The following HERC2 variants were observed in gnomAD, a reference collection of about 807,000 sequenced individuals.
The protein encoded by HERC2 is HECT and RLD domain containing E3 ubiquitin protein ligase 2.
A neutral mutation model predicts 537.7 loss-of-function variants in HERC2; 102 were observed. The observed-to-expected ratio is 0.19, with a 90% confidence interval of 0.16 to 0.22. The LOEUF (loss-of-function observed/expected upper bound fraction) is 0.22. Ranked by LOEUF, HERC2 falls within the 10% of genes least tolerant of loss-of-function variation. The pLI is 1.00. For synonymous variants in HERC2, 2,224 were observed against 2,466.2 expected (o/e 0.90, Z 2.91); for missense variants, 4,236 against 6,198.2 (o/e 0.68, Z 10.63).
rs561483233 is a variant in HERC2 at position 28,158,038 on chromosome 15, G to C, written c.10746+5056C>G. On this transcript the variant is annotated intron_variant, in intron 69 of 92. Transcript: ENST00000261609. ...CAGGTTGTTCGGTTTCCATGTAGTT[G>C]AGCAGTTTTGAGTGAGTTTCTTAAT... 2.6e-5 allele frequency among the ~76,000 whole-genome samples: 4 copies of C among 152,290 alleles called. No individual in the cohort carries two copies. The South Asian group carries it at 6.2e-4, about 24-fold the overall frequency.
At chr15:28,256,914 C>T (rs2075280902) in intron 17 of HERC2, 147 bp downstream of exon 17, 2 of 736,854 alleles carry the variant, frequency 2.7e-6, no homozygotes, top group Non-Finnish European at 4.5e-6. Flanking sequence ...TTTTTTAAGA[C>T]TCGCGTCCAT....
chr15:28,240,934 TA>T (rs1903045738), intron 23 of HERC2, among the ~76,000 whole-genome samples: 1 of 152,162 alleles, frequency 6.6e-6, no homozygotes, highest in African/African-American at 2.4e-5. Flanking sequence ...GCTAAAACTA[TA>T]AAATTCTTAG....
intron 12 of HERC2, 62 bp from the exon 13 acceptor site, chr15:28,266,036 T>C: frequency 1.3e-6 from 2 of 1,560,570 alleles, no homozygotes; most frequent in Non-Finnish European, 1.8e-6. Flanking sequence ...TTATTAATGT[T>C]AACAAAGGAA....
chr15:28,142,782 G>A, intron 75 of HERC2, 45 bp downstream of exon 75: 1 of 1,525,786 alleles, frequency 6.6e-7, no homozygotes, highest in Non-Finnish European at 8.9e-7. Flanking sequence ...GGCTCTTTCA[G>A]TCAAATAGCT....
intron 2 of HERC2, among the ~76,000 whole-genome samples, chr15:28,300,219 TTG>T (rs1200444122): frequency 1.3e-5 from 2 of 151,318 alleles, no homozygotes. Flanking sequence ...AGCAACAACA[TTG>T]TGAGTATACT....
rs746956861 is a variant in HERC2, at chr15:28,201,432, C to G, written c.7716+24G>C. The G allele has an allele frequency of 3.6e-6, 5 of 1,407,166 alleles. No homozygotes were observed. The Admixed American group carries it at 8.4e-5, about 24-fold the overall frequency. 87.2% of individuals were successfully genotyped at this position (1,407,166 alleles called of 1,614,324 possible). On this transcript the variant is annotated intron_variant, in intron 48 of 92. Transcript: ENST00000261609. ...TTGCTGAATGAAAAACGGATCGAGG[C>G]TCCAGCTTAAGACAATTACTCACCT...
intron 4 of HERC2, among the ~76,000 whole-genome samples, chr15:28,292,244 A>C (rs1461482990): frequency 1.3e-5 from 2 of 151,550 alleles, no homozygotes; most frequent in East Asian, 3.9e-4. Flanking sequence ...AAAAAAAAAA[A>C]AAAAAAAAAC....
At chr15:28,276,298 C>T (rs1250868361) in intron 5 of HERC2, among the ~76,000 whole-genome samples, 1 of 149,966 alleles carries the variant, frequency 6.7e-6, no homozygotes. Context: ...CCAGGGGCAA[C>T]AGTACACGCT....
At chr15:28,198,906 G>C in intron 48 of HERC2, 137 bp from the exon 49 acceptor site, 8 of 783,318 alleles carry the variant, frequency 1.0e-5, no homozygotes, top group Non-Finnish European at 1.6e-5. Context: ...CTAGCACTTT[G>C]GGAGGCTGAG....
intron 19 of HERC2, among the ~76,000 whole-genome samples, 153 bp downstream of exon 19, chr15:28,255,719 G>T (rs1163850665): frequency 1.3e-5 from 2 of 152,214 alleles, no homozygotes; most frequent in Non-Finnish European, 2.9e-5. Context: ...CAATAATTTT[G>T]TAAATTGGCA....
chr15:28,149,034 G>A (rs1478557432), intron 70 of HERC2, among the ~76,000 whole-genome samples: 2 of 137,984 alleles, frequency 1.4e-5, no homozygotes, highest in Non-Finnish European at 1.6e-5. Flanking sequence ...CCGCACAAAC[G>A]TACATTCTAG....
At chr15:28,260,727 CT>C (rs2075394184) in intron 16 of HERC2, 49 bp downstream of exon 16, 1 of 1,551,726 alleles carries the variant, frequency 6.4e-7, no homozygotes, top group African/African-American at 1.4e-5. Context: ...TAATGAACAA[CT>C]GGAAACCAAA....
intron 2 of HERC2, 149 bp from the exon 3 acceptor site, chr15:28,299,665 C>T: frequency 5.0e-6 from 3 of 597,392 alleles, no homozygotes; most frequent in East Asian, 5.7e-5. Context: ...GTGATTTAAT[C>T]ATTTTACATT....
At chr15:28,309,080 A>G (rs1211787036) in intron 2 of HERC2, among the ~76,000 whole-genome samples, 1 of 152,240 alleles carries the variant, frequency 6.6e-6, no homozygotes, top group African/African-American at 2.4e-5. Flanking sequence ...GGCCTAACAT[A>G]CGGTCTAACC....
intron 70 of HERC2, among the ~76,000 whole-genome samples, chr15:28,150,589 C>T (rs889175697): frequency 1.3e-5 from 2 of 149,688 alleles, no homozygotes; most frequent in African/African-American, 4.9e-5. Flanking sequence ...AGAACATCAC[C>T]GAGAATGGCC....
rs141454016 is a variant in HERC2, at chr15:28,196,894, T to C, written c.8012-325A>G. ...GGTTTAAAATAGGACATTTTGGTTT[T>C]TAATTACACCAAGTCAACAATTCCA... On this transcript the variant is annotated intron_variant, in intron 50 of 92. Transcript: ENST00000261609. 7.5e-3 allele frequency among the ~76,000 whole-genome samples: 1,140 copies of C among 152,344 alleles called. 51 individuals are homozygous for C. The highest frequency in any genetic ancestry group is 0.069 in the Admixed American group (1,057 of 15,302).
At chr15:28,139,160 A>T (rs1295769879) in intron 78 of HERC2, among the ~76,000 whole-genome samples, 2 of 152,256 alleles carry the variant, frequency 1.3e-5, no homozygotes, top group Non-Finnish European at 2.9e-5. Context: ...AAGCCTGCAT[A>T]TCTCCAAGCA....
chr15:28,307,341 T>C (rs886281116), intron 2 of HERC2, among the ~76,000 whole-genome samples: 3 of 152,254 alleles, frequency 2.0e-5, no homozygotes, highest in African/African-American at 7.2e-5. Context: ...TGATCTTTTG[T>C]ATTATTTTCT....
intron 48 of HERC2, 45 bp downstream of exon 48, chr15:28,201,411 T>C (rs754182095): frequency 1.6e-6 from 2 of 1,241,058 alleles, no homozygotes; most frequent in South Asian, 2.4e-5. Context: ...AAATATTTGC[T>C]GAATGAAAAA....
Sources: gnomAD v4.1 joint callset for allele counts (sites outside exome capture counted in the v4.1 genomes callset) on GRCh38, gnomAD v4.1.1 for gene constraint, MANE v1.5 for transcripts, NCBI Gene and HGNC (gene_info 2026-07-23, HGNC 2026-07-21) for gene names.